The following CDC42BPA variants were observed in gnomAD, a reference collection of about 807,000 sequenced individuals.
The protein encoded by CDC42BPA is serine/threonine-protein kinase MRCK alpha.
A neutral mutation model predicts 223.5 loss-of-function variants in CDC42BPA; 80 were observed. The observed-to-expected ratio is 0.36, with a 90% CI of 0.30 to 0.43. CDC42BPA has a LOEUF of 0.43. Ranked by LOEUF, CDC42BPA falls within the 20% of genes least tolerant of loss-of-function variation. CDC42BPA has a pLI of 1.00. For missense variants in CDC42BPA, 1,743 were observed against 2,099.9 expected (o/e 0.83, Z 3.32); for synonymous variants, 694 against 718.6 (o/e 0.97, Z 0.55).
intron 1 of CDC42BPA, among the ~76,000 whole-genome samples, chr1:227,296,966 C>CT (rs1182142371): frequency 2.6e-5 from 4 of 152,170 alleles, no homozygotes; most frequent in African/African-American, 9.6e-5. Flanking sequence ...ATGAAGAACT[C>CT]TAACAACAAA....
chr1:227,065,763 G>A (rs896705035), intron 21 of CDC42BPA, among the ~76,000 whole-genome samples: 2 of 152,190 alleles, frequency 1.3e-5, no homozygotes, highest in Non-Finnish European at 2.9e-5. Context: ...TGGTGGTAAA[G>A]CTCCAACAAA....
intron 5 of CDC42BPA, among the ~76,000 whole-genome samples, chr1:227,190,236 G>T (rs1374197633): frequency 6.6e-6 from 1 of 152,106 alleles, no homozygotes; most frequent in Non-Finnish European, 1.5e-5. Flanking sequence ...GTCTTCTATG[G>T]AAAACATGAT....
At chr1:227,118,363 A>G (rs1312624985) in intron 12 of CDC42BPA, among the ~76,000 whole-genome samples, 1 of 152,138 alleles carries the variant, frequency 6.6e-6, no homozygotes, top group Non-Finnish European at 1.5e-5. Flanking sequence ...GTCACTTCAC[A>G]TCTATTGGAA....
At chr1:227,306,769 A>G (rs1041992328) in intron 1 of CDC42BPA, among the ~76,000 whole-genome samples, 2 of 152,208 alleles carry the variant, frequency 1.3e-5, no homozygotes, top group African/African-American at 4.8e-5. Flanking sequence ...AATCTCAAAA[A>G]GGGGCTTTAG....
At chr1:227,178,588 C>T (rs139168291) in intron 5 of CDC42BPA, among the ~76,000 whole-genome samples, 3 of 152,272 alleles carry the variant, frequency 2.0e-5, no homozygotes, top group Admixed American at 1.3e-4. Flanking sequence ...CTCTACCTCC[C>T]GGATTCAAGT....
intron 1 of CDC42BPA, among the ~76,000 whole-genome samples, chr1:227,277,496 A>G (rs952919986): frequency 1.3e-5 from 2 of 152,238 alleles, no homozygotes; most frequent in African/African-American, 4.8e-5. Flanking sequence ...TCCAAAAAAT[A>G]TCCTAATCAA....
chr1:227,175,502 A>G (rs539497429), intron 5 of CDC42BPA, among the ~76,000 whole-genome samples: 36 of 152,284 alleles, frequency 2.4e-4, no homozygotes, highest in Admixed American at 1.0e-3. Context: ...AGCATATGAT[A>G]AACTACCAAG....
chr1:227,022,959 A>C (rs1426824893), intron 32 of CDC42BPA, among the ~76,000 whole-genome samples: 1 of 152,242 alleles, frequency 6.6e-6, no homozygotes, highest in African/African-American at 2.4e-5. Flanking sequence ...TAGGTTCTAC[A>C]ATATTGAAAA....
At chr1:227,023,210 T>C (rs988847505) in intron 32 of CDC42BPA, 53 bp downstream of exon 32, 4 of 889,940 alleles carry the variant, frequency 4.5e-6, no homozygotes, top group South Asian at 1.5e-5. Flanking sequence ...GCAGTTAGCT[T>C]AGAAATAATA....
chr1:227,265,133 G>T, intron 1 of CDC42BPA: 1 of 753,302 alleles, frequency 1.3e-6, no homozygotes, highest in Non-Finnish European at 2.5e-6. Flanking sequence ...AACATGCTGT[G>T]TACTAAGATT....
At chr1:227,272,958 G>A (rs757638298) in intron 1 of CDC42BPA, among the ~76,000 whole-genome samples, 3 of 152,118 alleles carry the variant, frequency 2.0e-5, no homozygotes, top group East Asian at 1.9e-4. Flanking sequence ...TAACTCAAAC[G>A]TATTGGCAAG....
chr1:227,029,669 A>T lies in CDC42BPA; in HGVS notation c.3839-419T>A, dbSNP rs544016569. The stretch of plus-strand genomic sequence containing the variant: ...ATAAAGATAAAACTTAGAATACTGT[A>T]TTTATGAATACCAAGTTATATTGGT... On this transcript the variant is annotated intron_variant, in intron 29 of 36. Transcript: ENST00000366766. Among the ~76,000 whole-genome samples the T allele has an allele frequency of 2.6e-5, 4 of 152,274 alleles. 1 individual carries two copies. The East Asian group carries it at 7.7e-4, about 29-fold the overall frequency.
intron 1 of CDC42BPA, among the ~76,000 whole-genome samples, chr1:227,304,235 C>T (rs1692169113): frequency 6.6e-6 from 1 of 151,910 alleles, no homozygotes. Context: ...GGCGATACCC[C>T]CTCTACAAAA....
intron 2 of CDC42BPA, among the ~76,000 whole-genome samples, chr1:227,229,879 T>A (rs1677507188): frequency 6.6e-6 from 1 of 152,224 alleles, no homozygotes; most frequent in African/African-American, 2.4e-5. Flanking sequence ...AAATTTTTTA[T>A]CTTTGGTTTT....
chr1:227,265,533 G>A (rs1684843419), intron 1 of CDC42BPA, among the ~76,000 whole-genome samples: 1 of 151,880 alleles, frequency 6.6e-6, no homozygotes, highest in African/African-American at 2.4e-5. Context: ...GGAGGCTGAG[G>A]CAGGAGTATC....
rs539839871 is a variant in CDC42BPA at position 227,233,333 on chromosome 1, G to A, written c.271-20114C>T. On this transcript the variant is annotated intron_variant, in intron 2 of 36. Transcript: ENST00000366766. The stretch of plus-strand genomic sequence containing the variant: ...ATTACAGGCATGAGCCACCACGCCC[G>A]GCCTCTATTTCTTTTCTTAATGGAC... Among the ~76,000 whole-genome samples the A allele has an allele frequency of 3.8e-3, 575 of 152,084 alleles. 4 individuals are homozygous for A. Among genetic ancestry groups the A allele is most frequent in the South Asian group, 0.013 (63 of 4,816 alleles).
intron 2 of CDC42BPA, among the ~76,000 whole-genome samples, chr1:227,229,295 C>A (rs1034368677): frequency 2.6e-5 from 4 of 152,114 alleles, no homozygotes; most frequent in African/African-American, 7.2e-5. Flanking sequence ...GGTTTCAGCA[C>A]CCTTGTCAAA....
chr1:227,055,752 T>A (rs1048788881), intron 21 of CDC42BPA, among the ~76,000 whole-genome samples: 1 of 152,178 alleles, frequency 6.6e-6, no homozygotes, highest in Non-Finnish European at 1.5e-5. Context: ...AAATTCAATA[T>A]AAGAAATATC....
intron 1 of CDC42BPA, among the ~76,000 whole-genome samples, chr1:227,283,083 G>A (rs1688256832): frequency 6.6e-6 from 1 of 152,014 alleles, no homozygotes; most frequent in African/African-American, 2.4e-5. Flanking sequence ...TCTACCCATT[G>A]ACTTAATCTT....
Sources: allele counts gnomAD v4.1 joint callset (sites outside exome capture counted in the v4.1 genomes callset), GRCh38; gene constraint gnomAD v4.1.1; transcripts MANE v1.5; gene names NCBI Gene and HGNC (gene_info 2026-07-23, HGNC 2026-07-21).